CELF2: variants seen among roughly 807,000 people sequenced by gnomAD.
The protein encoded by CELF2 is CUG triplet repeat RNA-binding protein 2.
CELF2 carries 8 observed loss-of-function variants against 62.6 expected under a neutral mutation model. That is an observed-to-expected ratio of 0.13 (90% CI 0.07 to 0.23). The LOEUF (loss-of-function observed/expected upper bound fraction) is 0.23, where lower values mean the gene tolerates loss of function less well. Ranked by LOEUF, CELF2 falls within the 10% of genes least tolerant of loss-of-function variation. The pLI, the probability that CELF2 is intolerant of heterozygous loss-of-function variation, is 1.00. For missense variants in CELF2, 333 were observed against 671.0 expected (o/e 0.50, Z 5.56); for synonymous variants, 258 against 250.0 (o/e 1.03, Z -0.30).
At chr10:10,668,192 G>C in the CELF2 span, among the ~76,000 whole-genome samples, 5 of 152,178 alleles carry the variant, frequency 3.3e-5, no homozygotes, top group Admixed American at 2.6e-4. Context: ...TATTTAAAAT[G>C]TACAATGCAG....
At position 11,008,557 on chromosome 10, in the gene CELF2, CAA is replaced by C. The variant is rs2055749776; in HGVS notation, c.53+3119_53+3120del. Among the ~76,000 whole-genome samples, 1 of 152,096 alleles carries C rather than the reference CAA, an allele frequency of 6.6e-6. No individual in the cohort carries two copies. The stretch of plus-strand genomic sequence containing the variant: ...GTGCTAGAAGACCGAGGAAGTCATT[CAA>C]AGAGTGAATCAATACTAATTATTGT... On this transcript the variant is annotated intron_variant, in intron 1 of 12. Transcript: ENST00000416382. This position sits in a 1 kb window ranked among gnomAD's most constrained non-coding sequence, Gnocchi z 4.5.
At position 11,332,427 on chromosome 10, in the gene CELF2, T is replaced by C. The variant is rs768701237; in HGVS notation, c.*3374T>C. The stretch of plus-strand genomic sequence containing the variant: ...AGAAGCCCATAGCCCTTTCCCAGCC[T>C]TTTTGGTTTTTTTAATTGAACACAT... On this transcript the variant is annotated 3_prime_UTR_variant, in exon 13 of 13. Transcript: ENST00000633077. 2.0e-5 allele frequency: 3 copies of C among 152,634 alleles called. No homozygotes were observed. The East Asian group carries it at 5.8e-4, about 29-fold the overall frequency. 9.5% of individuals were successfully genotyped at this position (152,634 alleles called of 1,614,324 possible).
In CELF2 at chr10:11,318,995, C is replaced by T. The variant is rs79186445; in HGVS notation, c.1097-2194C>T. On this transcript the variant is annotated intron_variant, in intron 10 of 12. Transcript: ENST00000633077. The surrounding 1 kb of genome is among the most constrained non-coding windows in gnomAD (Gnocchi z 5.4). Reference sequence around the variant, plus strand: ...GGAACTTGGAGGCGTCCACTGGAGACGAGCTGCTGTCTTCAGCCCGTCCTC... The same window carrying T: ...GGAACTTGGAGGCGTCCACTGGAGATGAGCTGCTGTCTTCAGCCCGTCCTC... The T allele has an allele frequency of 6.8e-3, 3,184 of 471,138 alleles. 84 individuals are homozygous for T. Among genetic ancestry groups the T allele is most frequent in the African/African-American group, 0.059 (2,938 of 50,208 alleles). The allele number at this position is 471,138 out of a possible 1,614,324, so 29.2% of individuals were successfully genotyped here.
intron 1 of CELF2, among the ~76,000 whole-genome samples, chr10:10,904,335 T>A (rs1253885187): frequency 6.6e-6 from 1 of 151,978 alleles, no homozygotes; most frequent in East Asian, 1.9e-4. Flanking sequence ...CAAGCGATCC[T>A]CCCACGTCTA....
chr10:10,528,848 A>G, the CELF2 span, among the ~76,000 whole-genome samples: 1 of 152,234 alleles, frequency 6.6e-6, no homozygotes, highest in African/African-American at 2.4e-5. Context: ...AAACTTTATC[A>G]TTATTAATAT....
intron 1 of CELF2, among the ~76,000 whole-genome samples, chr10:11,152,041 G>A (rs778526568): frequency 1.3e-5 from 2 of 152,200 alleles, no homozygotes; most frequent in Non-Finnish European, 2.9e-5. Context: ...AGCAGTGAAA[G>A]TCCTGACCCT....
chr10:11,228,708 G>A (rs1424839664), intron 3 of CELF2, among the ~76,000 whole-genome samples: 2 of 125,904 alleles, frequency 1.6e-5, no homozygotes, highest in Non-Finnish European at 3.1e-5. Flanking sequence ...ACCCCCACCC[G>A]CGCCCCTCGC....
chr10:11,063,882 C>T (rs1291845), intron 1 of CELF2, among the ~76,000 whole-genome samples: 42,375 of 152,058 alleles, frequency 0.28, 6,498 homozygotes, highest in African/African-American at 0.39. Flanking sequence ...GCATCTTTGG[C>T]TTTTGCTTCC....
At chr10:10,581,671 T>C in the CELF2 span, among the ~76,000 whole-genome samples, 1 of 152,104 alleles carries the variant, frequency 6.6e-6, no homozygotes, top group Non-Finnish European at 1.5e-5. Context: ...ATTTTGAAAA[T>C]CAAATAACTA....
the CELF2 span, among the ~76,000 whole-genome samples, chr10:10,697,656 G>A: frequency 2.6e-5 from 4 of 152,132 alleles, no homozygotes; most frequent in Admixed American, 2.6e-4. Flanking sequence ...TCCTCACATG[G>A]CAAAAGGACG....
chr10:11,266,673 T>C lies in CELF2; in HGVS notation c.614T>C (p.Met205Thr). 1 of 1,613,016 alleles carries C rather than the reference T, an allele frequency of 6.2e-7. No individual in the cohort carries two copies. Among genetic ancestry groups the C allele is most frequent in the Non-Finnish European group, 8.5e-7 (1 of 1,179,250 alleles). ...AIKAMHQSQT[M>T]EGCSSPIVVK... ...AAAGCCATGCATCAGTCTCAGACCA[T>C]GGAGGTACTGTATCATCTGCCCTTT... The change falls in exon 6 of 13, where the codon ATG becomes ACG. Residue 205 changes from methionine to threonine, a missense_variant. Met to Thr is a moderately conservative substitution (Grantham distance 81, BLOSUM62 -1). Transcript: ENST00000633077.
chr10:11,250,748 G>T (rs572176263), intron 4 of CELF2, among the ~76,000 whole-genome samples: 1 of 152,190 alleles, frequency 6.6e-6, no homozygotes, highest in East Asian at 1.9e-4. Flanking sequence ...GGAATTGATG[G>T]TAACTGTCTC....
At chr10:10,714,675 G>A in the CELF2 span, among the ~76,000 whole-genome samples, 1 of 152,094 alleles carries the variant, frequency 6.6e-6, no homozygotes, top group African/African-American at 2.4e-5. Context: ...TTTTTGATGA[G>A]TTCTTTAGAA....
At position 11,129,339 on chromosome 10, in the gene CELF2, C is replaced by T. The variant is rs1223118015; in HGVS notation, c.75-36147C>T. ...ATCGGGGATATTGGTCTAAAACTCT[C>T]TTTTTTTGTTGTGTCTCTGCCAGGC... On this transcript the variant is annotated intron_variant, in intron 1 of 12. Transcript: ENST00000633077. 9.9e-5 allele frequency among the ~76,000 whole-genome samples: 15 copies of T among 152,224 alleles called. 1 individual carries two copies. In the East Asian group the frequency reaches 1.9e-3, roughly 20 times the overall value.
the CELF2 span, among the ~76,000 whole-genome samples, chr10:10,750,861 G>T: frequency 2.1e-4 from 32 of 152,308 alleles, no homozygotes; most frequent in African/African-American, 7.2e-4. Flanking sequence ...CTGAAATTTG[G>T]TTGCCATGGG....
chr10:11,250,566 G>A (rs1212685111), intron 4 of CELF2, among the ~76,000 whole-genome samples: 2 of 152,150 alleles, frequency 1.3e-5, no homozygotes, highest in South Asian at 2.1e-4. Context: ...ATCAGTTACC[G>A]TGTGCCACGC....
At chr10:10,592,689 C>T in the CELF2 span, among the ~76,000 whole-genome samples, 1 of 152,160 alleles carries the variant, frequency 6.6e-6, no homozygotes, top group African/African-American at 2.4e-5. Flanking sequence ...TAGTTACAGA[C>T]AACCTCCTCC....
chr10:11,143,640 G>C (rs1185136570), intron 1 of CELF2, among the ~76,000 whole-genome samples: 1 of 152,146 alleles, frequency 6.6e-6, no homozygotes, highest in Non-Finnish European at 1.5e-5. Context: ...GAGAACTTCA[G>C]GCCCCCACAC....
intron 1 of CELF2, among the ~76,000 whole-genome samples, chr10:11,006,369 C>T (rs201114): frequency 0.23 from 35,385 of 152,084 alleles, 7,582 homozygotes; most frequent in African/African-American, 0.57. Context: ...TAGTATCTAC[C>T]GTTCATAGAG....
Sources: gnomAD v4.1 joint callset for allele counts (sites outside exome capture counted in the v4.1 genomes callset) on GRCh38, gnomAD v4.1.1 for gene constraint, Gnocchi (gnomAD v3.1) non-coding constraint, MANE v1.5 for transcripts, NCBI Gene and HGNC (gene_info 2026-07-23, HGNC 2026-07-21) for gene names.